Variants in NRXN3 observed in about 807,000 individuals in gnomAD.
NRXN3 encodes neurexin III.
Under a neutral mutation model 137.6 loss-of-function variants are expected in NRXN3, and 32 were observed. The ratio of observed to expected loss-of-function variants is 0.23; its 90% CI spans 0.18 to 0.31. The LOEUF (loss-of-function observed/expected upper bound fraction) is 0.31. Among genes scored for constraint, NRXN3 ranks in the 10% least tolerant of loss-of-function variants. The probability of loss-of-function intolerance (pLI) is 1.00; values close to 1 mark genes in which losing one functional copy is unlikely to be tolerated. For synonymous variants in NRXN3, 798 were observed against 784.5 expected, an observed-to-expected ratio of 1.02 and a Z score of -0.29; for missense variants, 1,574 against 2,062.5, an observed-to-expected ratio of 0.76 and a Z score of 4.59.
At chr14:78,837,606 T>C (rs930058753) in intron 10 of NRXN3, among the ~76,000 whole-genome samples, 2 of 152,168 alleles carry the variant, frequency 1.3e-5, no homozygotes, top group Non-Finnish European at 2.9e-5. Flanking sequence ...ATACTTGTTC[T>C]TGGTTGTTCC....
chr14:78,755,167 CA>C (rs1378793827), intron 8 of NRXN3, among the ~76,000 whole-genome samples: 1 of 151,578 alleles, frequency 6.6e-6, no homozygotes, highest in Non-Finnish European at 1.5e-5. Context: ...GGGTGTGCAC[CA>C]CCATGCCTGG....
At chr14:79,582,095 T>TTTTG (rs555023744) in intron 16 of NRXN3, among the ~76,000 whole-genome samples, 362 of 152,020 alleles carry the variant, frequency 2.4e-3, no homozygotes, top group African/African-American at 4.5e-3. Context: ...GCCCAGCTGT[T>TTTTG]TTTGTTTGTT....
At chr14:79,560,573 C>CA (rs2097485567) in intron 16 of NRXN3, among the ~76,000 whole-genome samples, 1 of 125,536 alleles carries the variant, frequency 8.0e-6, no homozygotes, top group African/African-American at 2.9e-5. Context: ...TGCAATGGCA[C>CA]AATCTCGGCT....
At chr14:79,091,166 A>AT (rs11442142) in intron 15 of NRXN3, among the ~76,000 whole-genome samples, 6,696 of 149,860 alleles carry the variant, frequency 0.045, 535 homozygotes, top group African/African-American at 0.16. Context: ...GATCAATTTC[A>AT]TTTTTTTTTG....
rs376711956 is a variant in NRXN3, at chr14:79,636,875, C to G, written c.3445-26903C>G. Among the ~76,000 whole-genome samples the G allele has an allele frequency of 2.0e-5, 3 of 152,318 alleles. No homozygotes were observed. The East Asian group carries it at 5.8e-4, about 29-fold the overall frequency. On this transcript the variant is annotated intron_variant, in intron 16 of 20. Coordinates refer to ENST00000335750, the MANE Select transcript of NRXN3 (RefSeq NM_001330195.2). ...AACACTTGAGAACCTCTGCTCTGTC[C>G]TCTTCACTTCACTAGTGAGAAAGCT...
intron 4 of NRXN3, among the ~76,000 whole-genome samples, chr14:78,450,439 C>T (rs956973995): frequency 1.3e-5 from 2 of 152,180 alleles, no homozygotes; most frequent in Non-Finnish European, 2.9e-5. Flanking sequence ...AGGAACTGTG[C>T]TCCAGTCTTC....
intron 17 of NRXN3, among the ~76,000 whole-genome samples, chr14:79,682,785 A>G (rs867950278): frequency 1.4e-4 from 21 of 152,150 alleles, no homozygotes; most frequent in African/African-American, 3.6e-4. Flanking sequence ...ATTATAAGCT[A>G]TAAATCCCAG....
At chr14:78,959,490 AT>A (rs2099403877) in intron 11 of NRXN3, among the ~76,000 whole-genome samples, 1 of 152,162 alleles carries the variant, frequency 6.6e-6, no homozygotes, top group Non-Finnish European at 1.5e-5. Context: ...TAGGGAATGC[AT>A]TAGCTTATTA....
At chr14:79,238,278 C>T (rs74067929) in intron 15 of NRXN3, among the ~76,000 whole-genome samples, 3,081 of 141,102 alleles carry the variant, frequency 0.022, 96 homozygotes, top group African/African-American at 0.075. Flanking sequence ...AGACATATTG[C>T]GTGTATAAAT....
At chr14:78,741,211 C>T (rs2098568995) in intron 8 of NRXN3, among the ~76,000 whole-genome samples, 2 of 152,278 alleles carry the variant, frequency 1.3e-5, no homozygotes, top group Admixed American at 1.3e-4. Flanking sequence ...ATCCAGGAAT[C>T]CTCATTTTAT....
intron 19 of NRXN3, among the ~76,000 whole-genome samples, chr14:79,752,882 A>G (rs1397427728): frequency 1.3e-5 from 2 of 152,214 alleles, no homozygotes; most frequent in South Asian, 2.1e-4. Flanking sequence ...GAAAAAAAAC[A>G]AACAACCCCA....
chr14:78,705,746 G>A (rs1165708766), intron 6 of NRXN3, among the ~76,000 whole-genome samples: 1 of 152,138 alleles, frequency 6.6e-6, no homozygotes, highest in Non-Finnish European at 1.5e-5. Flanking sequence ...GACTCAGAAG[G>A]GTTATTCAGC....
intron 16 of NRXN3, among the ~76,000 whole-genome samples, chr14:79,579,522 T>C (rs2097695652): frequency 6.6e-6 from 1 of 151,828 alleles, no homozygotes; most frequent in Non-Finnish European, 1.5e-5. Context: ...CAAATTATCA[T>C]TCATGTAGAA....
chr14:78,597,014 G>A (rs533394045), intron 4 of NRXN3, among the ~76,000 whole-genome samples: 1 of 152,310 alleles, frequency 6.6e-6, no homozygotes, highest in South Asian at 2.1e-4. Flanking sequence ...AGAGTCCCAG[G>A]ATCCCTGATC....
At chr14:79,645,591 G>A (rs1344855990) in intron 16 of NRXN3, among the ~76,000 whole-genome samples, 6 of 127,950 alleles carry the variant, frequency 4.7e-5, no homozygotes, top group African/African-American at 1.5e-4. Flanking sequence ...CTCCAGCTTG[G>A]GTGACAGAAT....
chr14:78,355,154 T>G (rs1459822265), intron 4 of NRXN3, among the ~76,000 whole-genome samples: 2 of 152,312 alleles, frequency 1.3e-5, no homozygotes, highest in East Asian at 3.9e-4. Flanking sequence ...TAAATTCATG[T>G]TTTCAAAATA....
chr14:78,259,397 G>C (rs60906352), intron 2 of NRXN3, among the ~76,000 whole-genome samples: 6,324 of 152,186 alleles, frequency 0.042, 414 homozygotes, highest in African/African-American at 0.14. Flanking sequence ...AGTTAAACAT[G>C]ATTAAACATG....
chr14:79,387,359 T>C (rs1378336423), intron 15 of NRXN3, among the ~76,000 whole-genome samples: 2 of 152,086 alleles, frequency 1.3e-5, no homozygotes, highest in African/African-American at 2.4e-5. Flanking sequence ...AAAATGCTCA[T>C]CATCACTGGC....
intron 4 of NRXN3, among the ~76,000 whole-genome samples, chr14:78,607,748 G>A (rs914013831): frequency 2.0e-5 from 3 of 152,106 alleles, no homozygotes; most frequent in South Asian, 2.1e-4. Flanking sequence ...TATTCTCCAC[G>A]ATCTGTGTTA....
Sources: gnomAD v4.1 joint callset for allele counts (sites outside exome capture counted in the v4.1 genomes callset) on GRCh38, gnomAD v4.1.1 for gene constraint, MANE v1.5 for transcripts, NCBI Gene and HGNC (gene_info 2026-07-23, HGNC 2026-07-21) for gene names.